SLC16A3: variants seen among roughly 807,000 people sequenced by gnomAD.
The protein encoded by SLC16A3 is monocarboxylate transporter 4.
SLC16A3 carries 22 observed loss-of-function variants against 25.0 expected under a neutral mutation model. The observed-to-expected ratio is 0.88, with a 90% CI of 0.63 to 1.26. SLC16A3 has a LOEUF of 1.26. Among genes scored for constraint, SLC16A3 ranks in the 50% most tolerant of loss-of-function variants. The probability of loss-of-function intolerance (pLI) is 0.00; values close to 1 mark genes in which losing one functional copy is unlikely to be tolerated. For synonymous variants in SLC16A3, 390 were observed against 309.2 expected (o/e 1.26, Z -2.74); for missense variants, 731 against 666.6 (o/e 1.10, Z -1.06).
At chr17:82,221,093 A>C (rs2050386632) in intron 1 of SLC16A3, among the ~76,000 whole-genome samples, 1 of 151,782 alleles carries the variant, frequency 6.6e-6, no homozygotes, top group Non-Finnish European at 1.5e-5. Flanking sequence ...TGCTGGGATT[A>C]CAGGTGTGAG....
At chr17:82,235,132 G>A (rs555974912) in intron 1 of SLC16A3, 2 of 152,434 alleles carry the variant, frequency 1.3e-5, no homozygotes, top group South Asian at 2.1e-4. Context: ...AGACATCGTG[G>A]GGGCTGGCAT....
chr17:82,238,478 C>T (rs1378812988), intron 4 of SLC16A3, among the ~76,000 whole-genome samples: 2 of 152,204 alleles, frequency 1.3e-5, no homozygotes, highest in Non-Finnish European at 2.9e-5. Flanking sequence ...CTCCACAAAG[C>T]CATTGCTATT....
upstream of SLC16A3, among the ~76,000 whole-genome samples, chr17:82,227,925 G>A (rs2050437506): frequency 6.6e-6 from 1 of 152,204 alleles, no homozygotes; most frequent in Non-Finnish European, 1.5e-5. Context: ...TGTCCCGCAA[G>A]GCTGGGCTGC....
At chr17:82,227,845 C>A (rs1202822795), upstream of SLC16A3, among the ~76,000 whole-genome samples, 1 of 152,188 alleles carries the variant, frequency 6.6e-6, no homozygotes, top group African/African-American at 2.4e-5. Context: ...GACCCAGCCT[C>A]TGTGAATGCC....
rs903265273 is a variant in SLC16A3, at chr17:82,238,798, T to A, written c.1220T>A (p.Phe407Tyr). Residue 407 changes from phenylalanine (F) to tyrosine (Y), a missense_variant, in exon 5 of 5, where the codon TTC becomes TAC. By Grantham distance (22) the Phe-to-Tyr change is conservative (BLOSUM62 3). Transcript: ENST00000582743. ...TSSLILLLGN[F>Y]FCIRKKPKEP... Reference sequence around the variant, plus strand: ...TCCCTGATTTTGCTGCTGGGCAACTTCTTCTGCATTAGGAAGAAGCCCAAA... The same window carrying A: ...TCCCTGATTTTGCTGCTGGGCAACTACTTCTGCATTAGGAAGAAGCCCAAA... 1.8e-5 allele frequency: 29 copies of A among 1,612,568 alleles called. No homozygotes were observed. The highest frequency in any genetic ancestry group is 5.0e-5 in the Admixed American group (3 of 59,966).
rs200454735 is a variant in SLC16A3, at chr17:82,237,532, G to A, written c.762G>A (p.Lys254=). 297 of 1,611,434 alleles carry A rather than the reference G, an allele frequency of 1.8e-4. No individual in the cohort carries two copies. The highest frequency in any genetic ancestry group is 2.5e-4 in the Non-Finnish European group (294 of 1,179,190). The change falls in exon 4 of 5, where the codon AAG becomes AAA. Residue 254 remains lysine (K), a synonymous_variant. Coordinates refer to ENST00000582743, the MANE Select transcript of SLC16A3 (RefSeq NM_004207.4). ...VPPVFVVSYA[K]DLGVPDTKAA... The stretch of plus-strand genomic sequence containing the variant: ...CCGTGTTCGTGGTGAGCTACGCCAA[G>A]GACCTGGGCGTGCCCGACACCAAGG...
At position 82,239,141 on chromosome 17, in the gene SLC16A3, G is replaced by A. The variant is rs1036172586; in HGVS notation, c.*165G>A. On this transcript the variant is annotated 3_prime_UTR_variant, in exon 5 of 5. Transcript: ENST00000582743. Reference sequence around the variant, plus strand: ...GTGTTTTGAGGGGGAAGGTGGCGGGGTGGGAACCGTGTCATTCCAGAGTGG... The same window carrying A: ...GTGTTTTGAGGGGGAAGGTGGCGGGATGGGAACCGTGTCATTCCAGAGTGG... The A allele has an allele frequency of 6.2e-6, 4 of 644,984 alleles. No homozygotes were observed. In the African/African-American group the frequency reaches 7.4e-5, roughly 12 times the overall value. 40.0% of individuals were successfully genotyped at this position (644,984 alleles called of 1,614,324 possible).
At chr17:82,234,000 C>A (rs1361061219) in intron 1 of SLC16A3, 4 of 152,156 alleles carry the variant, frequency 2.6e-5, no homozygotes, top group South Asian at 2.1e-4. Flanking sequence ...GCCACTGCGC[C>A]CAGCTAATTT....
intron 1 of SLC16A3, among the ~76,000 whole-genome samples, chr17:82,221,469 A>C (rs1309679215): frequency 2.6e-5 from 4 of 152,042 alleles, no homozygotes; most frequent in Non-Finnish European, 5.9e-5. Context: ...TGGGAGGCTG[A>C]GGCGGGGAAG....
upstream of SLC16A3, among the ~76,000 whole-genome samples, chr17:82,223,976 ACACCCCTACACCTGTGCAGACG>A (rs1255887059): frequency 1.3e-5 from 2 of 151,362 alleles, no homozygotes; most frequent in African/African-American, 2.4e-5. Context: ...CTGTGCACAG[ACACCCCTACACCTGTGCAGACG>A]CACCCCTACA....
At chr17:82,238,622 C>G (rs967749757) in intron 4 of SLC16A3, 80 bp from the exon 5 acceptor site, 5 of 1,421,620 alleles carry the variant, frequency 3.5e-6, no homozygotes, top group African/African-American at 2.9e-5. Flanking sequence ...GCTGAGACAC[C>G]GAGACACAGG....
rs1313045112 is a variant in SLC16A3 at position 82,237,800 on chromosome 17, A to G, written c.1030A>G (p.Met344Val). 3 of 1,610,952 alleles carry G rather than the reference A, an allele frequency of 1.9e-6. No individual in the cohort carries two copies. The highest frequency in any genetic ancestry group is 2.5e-6 in the Non-Finnish European group (3 of 1,179,912). ...GGGGGCCCTGCAGTTCGAGGTGCTC[A>G]TGGCCATCGTGGGCACCCACAAGTT... ...MVGALQFEVL[M>V]AIVGTHKFSS... Residue 344 changes from methionine to valine, a missense_variant, in exon 4 of 5, where the codon ATG (methionine) becomes GTG (valine). Transcript: ENST00000582743.
In SLC16A3 at chr17:82,237,789, T is replaced by G; in HGVS notation, c.1019T>G (p.Phe340Cys). 3 of 1,611,506 alleles carry G rather than the reference T, an allele frequency of 1.9e-6. No homozygotes were observed. The South Asian group carries it at 3.3e-5, about 18-fold the overall frequency. ...ISYGMVGALQ[F>C]EVLMAIVGTH... ...TACGGCATGGTGGGGGCCCTGCAGT[T>G]CGAGGTGCTCATGGCCATCGTGGGC... The change falls in exon 4 of 5, where the codon TTC (phenylalanine) becomes TGC (cysteine). Residue 340 changes from phenylalanine (F) to cysteine (C), a missense_variant. Transcript: ENST00000582743.
intron 1 of SLC16A3, among the ~76,000 whole-genome samples, chr17:82,223,166 CTTAA>C (rs1380268824): frequency 1.3e-5 from 2 of 152,176 alleles, no homozygotes; most frequent in South Asian, 2.1e-4. Context: ...AGAGCTCTAC[CTTAA>C]TTAATTAATT....
At position 82,239,440 on chromosome 17, in the gene SLC16A3, G is replaced by C. The variant is rs2050706947; in HGVS notation, c.*464G>C. The C allele has an allele frequency of 5.9e-6, 1 of 169,580 alleles. No individual in the cohort carries two copies. Among genetic ancestry groups the C allele is most frequent in the African/African-American group, 2.4e-5 (1 of 42,206 alleles). 10.5% of individuals were successfully genotyped at this position (169,580 alleles called of 1,614,324 possible). A position where few individuals can be genotyped will look rare whatever the true frequency, so the allele number is the denominator to read the frequency against. On this transcript the variant is annotated 3_prime_UTR_variant, in exon 5 of 5. Transcript: ENST00000582743. The stretch of plus-strand genomic sequence containing the variant: ...TTGGGGACAGCTCTTTCCACCCCTG[G>C]AAGATGGAAATAAACCTGCGTGTGG...
At chr17:82,228,796 G>A (rs2050446589), upstream of SLC16A3, among the ~76,000 whole-genome samples, 1 of 152,030 alleles carries the variant, frequency 6.6e-6, no homozygotes, top group Non-Finnish European at 1.5e-5. Context: ...CCAGTCCCGA[G>A]GAGCAGAGGG....
intron 1 of SLC16A3, among the ~76,000 whole-genome samples, chr17:82,219,744 G>A (rs1305103996): frequency 6.6e-6 from 1 of 152,128 alleles, no homozygotes; most frequent in Non-Finnish European, 1.5e-5. Context: ...GAAAGGCGGG[G>A]GGTCTGCGCT....
chr17:82,219,089 G>C (rs1207331374), intron 1 of SLC16A3, among the ~76,000 whole-genome samples: 7 of 152,164 alleles, frequency 4.6e-5, no homozygotes, highest in Admixed American at 4.6e-4. Flanking sequence ...AGTGGATGGG[G>C]CCACCCCAGG....
At chr17:82,221,636 G>T (rs1160878352) in intron 1 of SLC16A3, among the ~76,000 whole-genome samples, 1 of 152,052 alleles carries the variant, frequency 6.6e-6, no homozygotes, top group Non-Finnish European at 1.5e-5. Context: ...AGAAGATACA[G>T]AATGGCCAAC....
Sources: allele counts gnomAD v4.1 joint callset (sites outside exome capture counted in the v4.1 genomes callset), GRCh38; gene constraint gnomAD v4.1.1; transcripts MANE v1.5; gene names NCBI Gene and HGNC (gene_info 2026-07-23, HGNC 2026-07-21).